Variants in PDCD6IP observed in about 807,000 individuals in gnomAD.
PDCD6IP encodes the protein programmed cell death 6 interacting protein, also known as programmed cell death 6-interacting protein.
PDCD6IP carries 43 observed loss-of-function variants against 103.7 expected under a neutral mutation model. The ratio of observed to expected loss-of-function variants is 0.41; its 90% confidence interval spans 0.32 to 0.53. PDCD6IP has a LOEUF of 0.53. PDCD6IP is among the 20% of genes least tolerant of loss of function. PDCD6IP has a pLI of 0.16. For synonymous variants in PDCD6IP, 354 were observed against 378.7 expected (o/e 0.93, Z 0.76); for missense variants, 871 against 1,036.7 (o/e 0.84, Z 2.20).
rs1559767840 is a variant in PDCD6IP at position 33,800,532 on chromosome 3, T to A, written c.209+1595T>A. Among the ~76,000 whole-genome samples the A allele has an allele frequency of 2.6e-5, 4 of 152,194 alleles. No homozygotes were observed. In the South Asian group the frequency reaches 6.2e-4, roughly 24 times the overall value. On this transcript the variant is annotated intron_variant, in intron 1 of 17. Coordinates refer to ENST00000307296, the MANE Select transcript of PDCD6IP (RefSeq NM_013374.6). Reference sequence around the variant, plus strand: ...AAGGAAGGGGTACTGAATAGATTGCTCAGAGGAATTAAGACCCCTTGGTGT... The same window carrying A: ...AAGGAAGGGGTACTGAATAGATTGCACAGAGGAATTAAGACCCCTTGGTGT...
In PDCD6IP at chr3:33,842,009, A is replaced by G; in HGVS notation, c.1294A>G (p.Thr432Ala). ...RSVIEQGGIQ[T>A]VDQLIKELPE... ...TGTGATTGAACAGGGAGGCATCCAG[A>G]CTGTTGATCAGTTGATTAAAGAACT... Residue 432 changes from threonine (T) to alanine (A), a missense_variant, in exon 10 of 18, where the codon ACT (threonine) becomes GCT (alanine). Coordinates refer to ENST00000307296, the MANE Select transcript of PDCD6IP (RefSeq NM_013374.6). 6.2e-7 allele frequency: 1 copy of G among 1,611,420 alleles called. No homozygotes were observed. The highest frequency in any genetic ancestry group is 1.1e-5 in the South Asian group (1 of 91,000).
rs1298845937 is a variant in PDCD6IP at position 33,829,183 on chromosome 3, C to G, written c.834+214C>G. 2.0e-5 allele frequency among the ~76,000 whole-genome samples: 3 copies of G among 152,114 alleles called. No homozygotes were observed. In the East Asian group the frequency reaches 5.8e-4, roughly 29 times the overall value. On this transcript the variant is annotated intron_variant, in intron 7 of 17. Coordinates refer to ENST00000307296, the MANE Select transcript of PDCD6IP (RefSeq NM_013374.6). ...AGATGCAAAATTTGCATTCAATTCT[C>G]TTTTTTATCCATGTTTATTTTAATG... is the stretch of plus-strand genomic sequence containing the variant.
At position 33,864,222 on chromosome 3, in the gene PDCD6IP, C is replaced by T. The variant is rs1170362660; in HGVS notation, c.2244+93C>T. ...AAAACATGATTTACATAGGAAGGAT[C>T]TAGTGGTTACCACCTGCATCAGGTA... is the stretch of plus-strand genomic sequence containing the variant. On this transcript the variant is annotated intron_variant, in intron 16 of 17. Transcript: ENST00000307296. 3.9e-6 allele frequency: 3 copies of T among 775,272 alleles called. No individual in the cohort carries two copies. The East Asian group carries it at 8.1e-5, about 21-fold the overall frequency. The allele number at this position is 775,272 out of a possible 1,614,324, so 48.0% of individuals were successfully genotyped here. A position where few individuals can be genotyped will look rare whatever the true frequency, so the allele number is the denominator to read the frequency against.
intron 3 of PDCD6IP, among the ~76,000 whole-genome samples, chr3:33,814,860 ATATG>A (rs1302225888): frequency 4.8e-5 from 7 of 145,436 alleles, no homozygotes; most frequent in Non-Finnish European, 1.0e-4. Flanking sequence ...TCATATACAT[ATATG>A]TATATACATA....
intron 3 of PDCD6IP, among the ~76,000 whole-genome samples, chr3:33,814,335 A>G (rs1317751136): frequency 1.3e-5 from 2 of 151,818 alleles, no homozygotes; most frequent in African/African-American, 2.4e-5. Context: ...GGGTTTCACC[A>G]TGTTGGCCAG....
intron 15 of PDCD6IP, among the ~76,000 whole-genome samples, chr3:33,860,722 T>A (rs1437577130): frequency 6.6e-6 from 1 of 152,228 alleles, no homozygotes; most frequent in African/African-American, 2.4e-5. Flanking sequence ...TATTTGTAGA[T>A]CTTTTATTCT....
chr3:33,808,903 C>T (rs2125544283), intron 1 of PDCD6IP, among the ~76,000 whole-genome samples: 1 of 152,298 alleles, frequency 6.6e-6, no homozygotes, highest in African/African-American at 2.4e-5. Flanking sequence ...TCATATTGGT[C>T]TCCTTGCCAT....
At chr3:33,801,867 C>T (rs1249584991) in intron 1 of PDCD6IP, among the ~76,000 whole-genome samples, 1 of 152,070 alleles carries the variant, frequency 6.6e-6, no homozygotes, top group African/African-American at 2.4e-5. Context: ...TTCTAGTCTT[C>T]CATGAAAAAG....
rs756238525 is a variant in PDCD6IP at position 33,841,985 on chromosome 3, G to T, written c.1270G>T (p.Val424Leu). 1.4e-5 allele frequency: 23 copies of T among 1,600,094 alleles called. No individual in the cohort carries two copies. In the South Asian group the frequency reaches 2.2e-4, roughly 15 times the overall value. ...GTCTATATTGACTAAATCCAGATCT[G>T]TGATTGAACAGGGAGGCATCCAGAC... The part of the protein sequence containing the change: ...PQSILTKSRS[V>L]IEQGGIQTVD... Residue 424 changes from valine (V) to leucine (L), a missense_variant, in exon 10 of 18, where the codon GTG becomes TTG. Coordinates refer to ENST00000307296, the MANE Select transcript of PDCD6IP (RefSeq NM_013374.6).
At chr3:33,842,221 C>T in intron 10 of PDCD6IP, 147 bp downstream of exon 10, 1 of 530,152 alleles carries the variant, frequency 1.9e-6, no homozygotes, top group Non-Finnish European at 3.4e-6. Flanking sequence ...AGAGCCTTCT[C>T]TTTAGCATAA....
intron 3 of PDCD6IP, among the ~76,000 whole-genome samples, chr3:33,814,819 A>G (rs1696807150): frequency 7.2e-6 from 1 of 139,692 alleles, no homozygotes; most frequent in South Asian, 2.3e-4. Flanking sequence ...TGTATAGTAT[A>G]TATAATATGT....
At chr3:33,828,287 T>G (rs1157544454) in intron 6 of PDCD6IP, among the ~76,000 whole-genome samples, 1 of 152,214 alleles carries the variant, frequency 6.6e-6, no homozygotes, top group Non-Finnish European at 1.5e-5. Context: ...TCTATGATAC[T>G]AAATCATTTT....
intron 1 of PDCD6IP, among the ~76,000 whole-genome samples, chr3:33,803,826 A>G (rs534943669): frequency 5.3e-5 from 8 of 151,198 alleles, no homozygotes; most frequent in Middle Eastern, 3.4e-3. Flanking sequence ...CCTTTTTTCT[A>G]TCTTTTTGTA....
chr3:33,812,510 A>G (rs1696742395), intron 2 of PDCD6IP, among the ~76,000 whole-genome samples: 1 of 152,266 alleles, frequency 6.6e-6, no homozygotes, highest in African/African-American at 2.4e-5. Context: ...TTACATTTGC[A>G]TGTAAAAGTT....
At chr3:33,854,072 T>G (rs1697777941) in intron 14 of PDCD6IP, 59 bp downstream of exon 14, 1 of 1,491,398 alleles carries the variant, frequency 6.7e-7, no homozygotes, top group East Asian at 2.7e-5. Flanking sequence ...ACGCATAGTT[T>G]GGAAGTTAAG....
At position 33,844,129 on chromosome 3, in the gene PDCD6IP, TGAA is replaced by T; in HGVS notation, c.1385_1387del (p.Glu462del). The T allele has an allele frequency of 1.3e-6, 2 of 1,598,270 alleles. No homozygotes were observed. Among genetic ancestry groups the T allele is most frequent in the Non-Finnish European group, 1.7e-6 (2 of 1,175,702 alleles). On this transcript the variant is annotated inframe_deletion, in exon 11 of 18. Transcript: ENST00000307296. ...TTTTAAAGTCATTAAGGTTGTTGGA[TGAA>T]GAAGAAGCAACCGATAATGATTTAA... is the stretch of plus-strand genomic sequence containing the variant.
At chr3:33,844,492 T>C (rs188813004) in intron 11 of PDCD6IP, among the ~76,000 whole-genome samples, 1 of 152,274 alleles carries the variant, frequency 6.6e-6, no homozygotes, top group Non-Finnish European at 1.5e-5. Context: ...TTTTATTTAT[T>C]TTTTTTGAGA....
intron 7 of PDCD6IP, among the ~76,000 whole-genome samples, chr3:33,830,844 A>G (rs1337499075): frequency 6.6e-6 from 1 of 152,236 alleles, no homozygotes; most frequent in Non-Finnish European, 1.5e-5. Context: ...AAGTTGACCA[A>G]TAAACCATAT....
rs1698071183 is a variant in PDCD6IP, at chr3:33,866,595, T to TA, written c.*73dup. ...AATACCAACCCTGCAATAAGTGTAC[T>TA]AAACTCTACGCTCTGGTTAATGTAA... is the stretch of plus-strand genomic sequence containing the variant. On this transcript the variant is annotated 3_prime_UTR_variant, in exon 18 of 18. Transcript: ENST00000307296. 8 of 1,257,094 alleles carry TA rather than the reference T, an allele frequency of 6.4e-6. No homozygotes were observed. The highest frequency in any genetic ancestry group is 8.9e-6 in the Non-Finnish European group (8 of 902,396). The allele number at this position is 1,257,094 out of a possible 1,614,324, so 77.9% of individuals were successfully genotyped here.
Sources: gnomAD v4.1 joint callset for allele counts (sites outside exome capture counted in the v4.1 genomes callset) on GRCh38, gnomAD v4.1.1 for gene constraint, MANE v1.5 for transcripts, NCBI Gene and HGNC (gene_info 2026-07-23, HGNC 2026-07-21) for gene names.